Variants in NKAIN3 observed in about 807,000 individuals in gnomAD.
The protein encoded by NKAIN3 is sodium/potassium transporting ATPase interacting 3, also known as sodium/potassium-transporting ATPase subunit beta-1-interacting protein 3.
A neutral mutation model predicts 30.2 loss-of-function variants in NKAIN3; 25 were observed. The observed-to-expected ratio is 0.83, with a 90% CI of 0.60 to 1.16. The LOEUF is 1.16. Ranked by LOEUF, NKAIN3 falls within the 50% of genes most tolerant of loss-of-function variation. The pLI is 0.00. For synonymous variants in NKAIN3, 91 were observed against 89.6 expected (o/e 1.02, Z -0.09); for missense variants, 225 against 254.1 (o/e 0.89, Z 0.78).
chr8:62,615,302 T>C (rs1384271452), intron 3 of NKAIN3, among the ~76,000 whole-genome samples: 1 of 152,132 alleles, frequency 6.6e-6, no homozygotes, highest in Admixed American at 6.5e-5. Context: ...CTCATGACTC[T>C]GCCCAGTGCC....
chr8:62,312,441 A>G (rs1814473379), intron 1 of NKAIN3, among the ~76,000 whole-genome samples: 1 of 150,638 alleles, frequency 6.6e-6, no homozygotes, highest in East Asian at 1.9e-4. Context: ...TTCTATCACC[A>G]GGCTAGACAG....
chr8:62,453,927 T>A (rs1805728754), intron 1 of NKAIN3, among the ~76,000 whole-genome samples: 1 of 152,126 alleles, frequency 6.6e-6, no homozygotes. Context: ...GACAGATGCA[T>A]AGCTGAATTC....
At chr8:62,904,056 A>G (rs1728795268) in intron 4 of NKAIN3, among the ~76,000 whole-genome samples, 1 of 152,202 alleles carries the variant, frequency 6.6e-6, no homozygotes, top group Admixed American at 6.5e-5. Context: ...CCCTTGGACA[A>G]AGCTGAGCCC....
chr8:62,803,645 G>A (rs890488406), intron 4 of NKAIN3, among the ~76,000 whole-genome samples: 1 of 152,068 alleles, frequency 6.6e-6, no homozygotes, highest in Non-Finnish European at 1.5e-5. Flanking sequence ...AGCACTAAAT[G>A]CCTGCAAGAG....
intron 3 of NKAIN3, among the ~76,000 whole-genome samples, chr8:62,742,320 C>T (rs1446486930): frequency 1.3e-5 from 2 of 151,984 alleles, no homozygotes; most frequent in African/African-American, 4.8e-5. Flanking sequence ...TCTCTGATGC[C>T]CTCTCCAGGA....
At position 62,649,745 on chromosome 8, in the gene NKAIN3, C is replaced by T. The variant is rs73685417; in HGVS notation, c.273+59951C>T. On this transcript the variant is annotated intron_variant, in intron 3 of 6. Coordinates refer to ENST00000623646, the MANE Select transcript of NKAIN3 (RefSeq NM_001304533.3). Reference sequence around the variant, plus strand: ...AATGAACTAAATGTTTAGAGTGCTCCTGGGAGAAAGCAGAAAACAGTGTTG... The same window carrying T: ...AATGAACTAAATGTTTAGAGTGCTCTTGGGAGAAAGCAGAAAACAGTGTTG... Among the ~76,000 whole-genome samples, 1,422 of 152,132 alleles carry T rather than the reference C, an allele frequency of 9.3e-3. 15 individuals are homozygous for T. Among genetic ancestry groups the T allele is most frequent in the African/African-American group, 0.032 (1,319 of 41,498 alleles).
intron 1 of NKAIN3, among the ~76,000 whole-genome samples, chr8:62,300,880 C>A (rs56064221): frequency 3.3e-5 from 5 of 151,896 alleles, no homozygotes; most frequent in African/African-American, 9.7e-5. Flanking sequence ...AGCCAGACTT[C>A]GAATCTCCTT....
intron 4 of NKAIN3, among the ~76,000 whole-genome samples, chr8:62,776,000 G>T (rs749898838): frequency 6.6e-6 from 1 of 151,962 alleles, no homozygotes; most frequent in Non-Finnish European, 1.5e-5. Flanking sequence ...CTGCTGAATT[G>T]ACCTCTTTAT....
intron 4 of NKAIN3, among the ~76,000 whole-genome samples, chr8:62,874,529 G>A (rs1054676055): frequency 1.3e-4 from 20 of 152,064 alleles, no homozygotes; most frequent in African/African-American, 4.8e-4. Flanking sequence ...AAAACTTCAG[G>A]CAAATATCCC....
chr8:62,284,234 T>C (rs1209544326), intron 1 of NKAIN3, among the ~76,000 whole-genome samples: 1 of 152,160 alleles, frequency 6.6e-6, no homozygotes, highest in African/African-American at 2.4e-5. Context: ...CTGTCAATTT[T>C]CTGGTTGTTG....
At chr8:62,394,714 G>A (rs13256416) in intron 1 of NKAIN3, among the ~76,000 whole-genome samples, 80,906 of 147,246 alleles carry the variant, frequency 0.55, 24,602 homozygotes, top group East Asian at 0.67. Flanking sequence ...GGGCGGCCAA[G>A]CAGAGGTGCT....
At chr8:62,453,440 A>C (rs1306131011) in intron 1 of NKAIN3, among the ~76,000 whole-genome samples, 3 of 152,186 alleles carry the variant, frequency 2.0e-5, no homozygotes, top group African/African-American at 4.8e-5. Context: ...GAAAGATTTC[A>C]TATTAACCTA....
chr8:62,369,603 T>C (rs558477724), intron 1 of NKAIN3, among the ~76,000 whole-genome samples: 8 of 152,162 alleles, frequency 5.3e-5, no homozygotes, highest in African/African-American at 9.6e-5. Flanking sequence ...TAGGAATGTC[T>C]TTGCTCTTGA....
At chr8:62,430,830 A>C (rs574380012) in intron 1 of NKAIN3, among the ~76,000 whole-genome samples, 1 of 152,044 alleles carries the variant, frequency 6.6e-6, no homozygotes, top group East Asian at 1.9e-4. Flanking sequence ...TGGTCTCCAC[A>C]TAAAGGGAGC....
intron 2 of NKAIN3, among the ~76,000 whole-genome samples, chr8:62,581,971 T>C (rs138940387): frequency 1.9e-4 from 19 of 101,070 alleles, no homozygotes; most frequent in East Asian, 3.5e-4. Context: ...CTTCCTTCTA[T>C]CCTTCCTCCC....
chr8:62,436,149 T>C (rs901063811), intron 1 of NKAIN3, among the ~76,000 whole-genome samples: 1 of 152,210 alleles, frequency 6.6e-6, no homozygotes, highest in African/African-American at 2.4e-5. Flanking sequence ...TCAAATATTA[T>C]ATATCTTACA....
intron 1 of NKAIN3, among the ~76,000 whole-genome samples, chr8:62,531,125 A>G (rs1373547712): frequency 2.0e-5 from 3 of 152,140 alleles, no homozygotes; most frequent in Non-Finnish European, 4.4e-5. Context: ...GGGGCCTGAG[A>G]GAAAAAAATG....
chr8:62,581,167 T>A (rs1029482949), intron 2 of NKAIN3, among the ~76,000 whole-genome samples: 1 of 133,132 alleles, frequency 7.5e-6, no homozygotes, highest in Non-Finnish European at 1.7e-5. Flanking sequence ...TAAAATAAAA[T>A]AAAAATACAG....
chr8:62,692,582 T>C (rs1788343115), intron 3 of NKAIN3, among the ~76,000 whole-genome samples: 1 of 133,952 alleles, frequency 7.5e-6, no homozygotes. Context: ...TTGTGCAGCA[T>C]TGATCACTGA....
Sources: allele counts gnomAD v4.1 joint callset (sites outside exome capture counted in the v4.1 genomes callset), GRCh38; gene constraint gnomAD v4.1.1; transcripts MANE v1.5; gene names NCBI Gene and HGNC (gene_info 2026-07-23, HGNC 2026-07-21).